Variants in ARHGEF5 observed in about 807,000 individuals in gnomAD.
ARHGEF5 encodes Rho guanine nucleotide exchange factor (GEF) 5.
A neutral mutation model predicts 104.0 loss-of-function variants in ARHGEF5; 11 were observed. The ratio of observed to expected loss-of-function variants is 0.11; its 90% CI spans 0.07 to 0.18. The LOEUF is 0.18. Among genes scored for constraint, ARHGEF5 ranks in the 10% least tolerant of loss-of-function variants. The pLI is 1.00. For missense variants in ARHGEF5, 165 were observed against 1,335.4 expected (o/e 0.12, Z 13.66); for synonymous variants, 60 against 512.2 (o/e 0.12, Z 11.92).
At chr7:144,378,960 C>T (rs1487347930) in intron 14 of ARHGEF5, 94 bp downstream of exon 14, 2 of 1,241,438 alleles carry the variant, frequency 1.6e-6, no homozygotes, top group African/African-American at 1.5e-5. Context: ...TGACAAAGTA[C>T]CATGGACTGG....
At chr7:144,357,639 G>T in intron 1 of ARHGEF5, among the ~76,000 whole-genome samples, 1 of 150,958 alleles carries the variant, frequency 6.6e-6, no homozygotes, top group African/African-American at 2.4e-5. Flanking sequence ...TCAGTTCAAA[G>T]ATTTGGCAGT....
intron 5 of ARHGEF5, among the ~76,000 whole-genome samples, chr7:144,370,464 A>AGTTT (rs2053714381): frequency 6.6e-6 from 1 of 150,878 alleles, no homozygotes; most frequent in South Asian, 2.1e-4. Context: ...TATTTAGTTT[A>AGTTT]GTTAGTTTGT....
At chr7:144,378,040 AG>A (rs2128857639) in intron 13 of ARHGEF5, among the ~76,000 whole-genome samples, 1 of 152,354 alleles carries the variant, frequency 6.6e-6, no homozygotes, top group South Asian at 2.1e-4. Context: ...GTAACAAAAA[AG>A]AGCCATAAAC....
At chr7:144,357,479 C>T (rs1343632959) in intron 1 of ARHGEF5, among the ~76,000 whole-genome samples, 1 of 144,850 alleles carries the variant, frequency 6.9e-6, no homozygotes, top group Non-Finnish European at 1.5e-5. Flanking sequence ...GCAGTGATGT[C>T]AAACAGTGAA....
intron 1 of ARHGEF5, among the ~76,000 whole-genome samples, chr7:144,358,925 T>A (rs2053617225): frequency 1.3e-5 from 1 of 79,274 alleles, no homozygotes; most frequent in African/African-American, 5.0e-5. Flanking sequence ...TGGGGTCTTC[T>A]CTGGACTGAT....
At chr7:144,375,887 G>C (rs1387098640) in intron 12 of ARHGEF5, among the ~76,000 whole-genome samples, 1 of 152,422 alleles carries the variant, frequency 6.6e-6, no homozygotes, top group East Asian at 1.9e-4. Context: ...AGTCACCACC[G>C]AGGCTTAGCA....
chr7:144,379,039 G>A (rs1330825598), intron 14 of ARHGEF5, among the ~76,000 whole-genome samples, 173 bp downstream of exon 14: 1 of 152,078 alleles, frequency 6.6e-6, no homozygotes, highest in East Asian at 1.9e-4. Flanking sequence ...TCAAGGTGTG[G>A]GCAGAGCCAC....
At chr7:144,372,916 C>A (rs1563119112) in intron 9 of ARHGEF5, among the ~76,000 whole-genome samples, 159 bp downstream of exon 9, 1 of 138,652 alleles carries the variant, frequency 7.2e-6, no homozygotes, top group Non-Finnish European at 1.6e-5. Context: ...ATACACACCC[C>A]ACGGCCACCT....
intron 13 of ARHGEF5, among the ~76,000 whole-genome samples, chr7:144,377,891 A>G (rs1168804060): frequency 6.6e-6 from 1 of 152,210 alleles, no homozygotes; most frequent in African/African-American, 2.4e-5. Context: ...TGCTGGCTTC[A>G]GTTCCCCAGT....
At chr7:144,357,967 G>A (rs2053610653) in intron 1 of ARHGEF5, among the ~76,000 whole-genome samples, 1 of 122,456 alleles carries the variant, frequency 8.2e-6, no homozygotes, top group African/African-American at 3.2e-5. Context: ...AACGTAATGA[G>A]CATTGCAAAA....
chr7:144,372,672 C>G lies in ARHGEF5; in HGVS notation c.3976-11C>G, dbSNP rs1185497075. 1.2e-6 allele frequency: 1 copy of G among 834,872 alleles called. No homozygotes were observed. Among genetic ancestry groups the G allele is most frequent in the Admixed American group, 2.0e-5 (1 of 50,638 alleles). The allele number at this position is 834,872 out of a possible 1,614,324, so 51.7% of individuals were successfully genotyped here. ...CTCCCATCTCACTCCTGCCTACTGT[C>G]TGTTCAATAGAACATTCTGAAGAGA... On this transcript the variant is annotated splice_polypyrimidine_tract_variant and intron_variant, in intron 8 of 14. Transcript: ENST00000056217.
chr7:144,373,022 G>C (rs140123551), intron 9 of ARHGEF5, among the ~76,000 whole-genome samples, 173 bp from the exon 10 acceptor site: 147 of 139,006 alleles, frequency 1.1e-3, no homozygotes, highest in African/African-American at 3.8e-3. Context: ...GGAATGTTCT[G>C]CCAAGTCATA....
At chr7:144,370,896 TCA>T (rs774594883) in intron 5 of ARHGEF5, among the ~76,000 whole-genome samples, 566 of 146,176 alleles carry the variant, frequency 3.9e-3, no homozygotes, top group Admixed American at 0.034. Flanking sequence ...ACTTTGTTAC[TCA>T]TTTTTTGTTC....
chr7:144,358,802 T>C (rs1441670897), intron 1 of ARHGEF5, among the ~76,000 whole-genome samples: 1 of 128,146 alleles, frequency 7.8e-6, no homozygotes, highest in African/African-American at 2.8e-5. Flanking sequence ...TGTGTGTGTG[T>C]ACACACACAG....
At chr7:144,378,414 C>G (rs532348586) in intron 13 of ARHGEF5, among the ~76,000 whole-genome samples, 1 of 152,244 alleles carries the variant, frequency 6.6e-6, no homozygotes, top group Admixed American at 6.5e-5. Flanking sequence ...GGGATAAATG[C>G]CTTGGCATGA....
intron 1 of ARHGEF5, among the ~76,000 whole-genome samples, chr7:144,357,421 A>C (rs1330408935): frequency 1.5e-5 from 2 of 136,624 alleles, no homozygotes; most frequent in Non-Finnish European, 3.2e-5. Flanking sequence ...TGTAGTAGTC[A>C]GTGGTCCAGA....
intron 7 of ARHGEF5, 81 bp from the exon 8 acceptor site, chr7:144,372,218 T>TGACC: frequency 2.6e-6 from 1 of 383,886 alleles, no homozygotes; most frequent in Non-Finnish European, 4.6e-6. Context: ...GATACTCCAC[T>TGACC]GACCTCCCTT....
intron 13 of ARHGEF5, among the ~76,000 whole-genome samples, chr7:144,378,075 G>A (rs2053774202): frequency 6.6e-6 from 1 of 152,230 alleles, no homozygotes; most frequent in African/African-American, 2.4e-5. Context: ...AATACTGATA[G>A]GTGAAGCATT....
rs1219267963 is a variant in ARHGEF5 at position 144,380,561 on chromosome 7, G to A, written c.*505G>A. On this transcript the variant is annotated 3_prime_UTR_variant, in exon 15 of 15. Coordinates refer to ENST00000056217, the MANE Select transcript of ARHGEF5 (RefSeq NM_005435.4). ...TGGTGCAAGGTCAGTGTGTCTCTGA[G>A]ATCTATGTCTGTTGGTGGCAATGTG... 2 of 153,176 alleles carry A rather than the reference G, an allele frequency of 1.3e-5. No homozygotes were observed. Among genetic ancestry groups the A allele is most frequent in the Non-Finnish European group, 2.9e-5 (2 of 68,706 alleles). The allele number at this position is 153,176 out of a possible 1,614,324, so 9.5% of individuals were successfully genotyped here.
Sources: allele counts gnomAD v4.1 joint callset (sites outside exome capture counted in the v4.1 genomes callset), GRCh38; gene constraint gnomAD v4.1.1; transcripts MANE v1.5; gene names NCBI Gene and HGNC (gene_info 2026-07-23, HGNC 2026-07-21).